ELFN2: variants seen among roughly 807,000 people sequenced by gnomAD.
ELFN2 encodes the protein protein phosphatase 1 regulatory subunit 29.
A neutral mutation model predicts 45.5 loss-of-function variants in ELFN2; 17 were observed. The observed-to-expected ratio is 0.37, with a 90% CI of 0.26 to 0.56. The LOEUF (loss-of-function observed/expected upper bound fraction) is 0.56. Ranked by LOEUF, ELFN2 falls within the 20% of genes least tolerant of loss-of-function variation. ELFN2 has a pLI of 0.77. For missense variants in ELFN2, 922 were observed against 1,183.2 expected, an observed-to-expected ratio of 0.78 and a Z score of 3.24; for synonymous variants, 550 against 551.5, an observed-to-expected ratio of 1.00 and a Z score of 0.04.
chr22:37,376,378 C>A (rs1931587310), intron 2 of ELFN2, among the ~76,000 whole-genome samples: 1 of 149,842 alleles, frequency 6.7e-6, no homozygotes, highest in African/African-American at 2.5e-5. Flanking sequence ...AGCCAGACCT[C>A]CATGGCATGC....
intron 1 of ELFN2, chr22:37,354,612 G>C (rs944367342): frequency 1.3e-5 from 2 of 152,048 alleles, no homozygotes; most frequent in African/African-American, 4.8e-5. Context: ...CTGGGGGTAG[G>C]GTTGCCAGAG....
chr22:37,349,127 C>T (rs79455660), intron 1 of ELFN2, among the ~76,000 whole-genome samples: 2,384 of 151,358 alleles, frequency 0.016, 79 homozygotes, highest in African/African-American at 0.055. Context: ...GTGCCCGCTC[C>T]CCACGGCAAT....
At chr22:37,412,417 T>C (rs914672288) in intron 2 of ELFN2, among the ~76,000 whole-genome samples, 5 of 151,572 alleles carry the variant, frequency 3.3e-5, no homozygotes, top group African/African-American at 1.2e-4. Context: ...GGGCACTCAC[T>C]CCCCTTCCCA....
chr22:37,393,582 C>CG (rs1682797517), intron 2 of ELFN2, among the ~76,000 whole-genome samples: 1 of 152,218 alleles, frequency 6.6e-6, no homozygotes, highest in Non-Finnish European at 1.5e-5. Flanking sequence ...GCCTGGACCA[C>CG]GCCCCAGGCC....
intron 1 of ELFN2, among the ~76,000 whole-genome samples, chr22:37,347,871 T>C (rs529826806): frequency 1.3e-5 from 2 of 152,288 alleles, no homozygotes; most frequent in South Asian, 4.1e-4. Context: ...ACCCCTCTGA[T>C]ATTTGAACCC....
At chr22:37,349,263 C>T (rs1439105261) in intron 1 of ELFN2, among the ~76,000 whole-genome samples, 1 of 151,228 alleles carries the variant, frequency 6.6e-6, no homozygotes, top group Non-Finnish European at 1.5e-5. Flanking sequence ...GAACCAGAGG[C>T]CAATGGGATG....
rs752996159 is a variant in ELFN2 at position 37,374,677 on chromosome 22, C to T, written c.858G>A (p.Pro286=). ...NPDEILSVEP[P]ASSTTDASAG... Reference sequence around the variant, plus strand: ...CCGACGCATCCGTGGTGGACGAGGCCGGCGGCTCCACCGAAAGGATCTCGT... The same window carrying T: ...CCGACGCATCCGTGGTGGACGAGGCTGGCGGCTCCACCGAAAGGATCTCGT... The change falls in exon 3 of 3, where the codon CCG becomes CCA. Residue 286 remains proline, a synonymous_variant. Coordinates refer to ENST00000402918, the MANE Select transcript of ELFN2 (RefSeq NM_052906.5). 3 of 1,611,686 alleles carry T rather than the reference C, an allele frequency of 1.9e-6. No individual in the cohort carries two copies. The highest frequency in any genetic ancestry group is 1.1e-5 in the South Asian group (1 of 91,034).
chr22:37,373,759 G>A lies in ELFN2; in HGVS notation c.1776C>T (p.Gly592=). The A allele has an allele frequency of 1.3e-6, 2 of 1,581,678 alleles. No homozygotes were observed. The highest frequency in any genetic ancestry group is 8.5e-7 in the Non-Finnish European group (1 of 1,169,982). The change falls in exon 3 of 3, where the codon GGC becomes GGT. Residue 592 remains glycine, a synonymous_variant. Transcript: ENST00000402918. Reference sequence around the variant, plus strand: ...AGCTGGGCCGCTCCAGGGCCCCGGGGCCAGTGGCTGAGGAGGCGGCAGCAG... The same window carrying A: ...AGCTGGGCCGCTCCAGGGCCCCGGGACCAGTGGCTGAGGAGGCGGCAGCAG... ...PAAAAASSAT[G]PGALERPSFL...
rs540718122 is a variant in ELFN2 at position 37,378,784 on chromosome 22, C to A, written c.-462-2788G>T. Among the ~76,000 whole-genome samples, 5 of 152,358 alleles carry A rather than the reference C, an allele frequency of 3.3e-5. No individual in the cohort carries two copies. In the East Asian group the frequency reaches 9.6e-4, roughly 29 times the overall value. ...CCATCCCGGGCTGCCTGCCTGCCAC[C>A]CGTGGAGACCTGACGCGGCCAGGGA... On this transcript the variant is annotated intron_variant, in intron 2 of 2. Coordinates refer to ENST00000402918, the MANE Select transcript of ELFN2 (RefSeq NM_052906.5).
At position 37,343,728 on chromosome 22, in the gene ELFN2, G is replaced by T. The variant is rs553616664; in HGVS notation, n.149-1025C>A. On this transcript the variant is annotated intron_variant and non_coding_transcript_variant, in intron 1 of 2. Transcript: ENST00000452946. The stretch of plus-strand genomic sequence containing the variant: ...CCAGACCCACCCCCCCCGGACCCCA[G>T]CCTCCCCAACTCATCTCCAGTGTTC... 6.6e-4 allele frequency among the ~76,000 whole-genome samples: 16 copies of T among 24,276 alleles called. 1 individual carries two copies. In the South Asian group the frequency reaches 0.022, roughly 33 times the overall value. 15.9% of individuals were successfully genotyped at this position (24,276 alleles called of 152,430 possible).
intron 2 of ELFN2, among the ~76,000 whole-genome samples, chr22:37,378,664 TG>T (rs1233862077): frequency 6.6e-6 from 1 of 152,240 alleles, no homozygotes; most frequent in Non-Finnish European, 1.5e-5. Context: ...CAGGATGGCT[TG>T]GGCTGGGCCC....
In ELFN2 at chr22:37,375,615, C is replaced by A. The variant is rs1931557368; in HGVS notation, c.-81G>T. Reference sequence around the variant, plus strand: ...AGGCTGGGGCTGGCAGTACAGTCCTCCCTGGGGCCGCCACCATCTTGGGGG... The same window carrying A: ...AGGCTGGGGCTGGCAGTACAGTCCTACCTGGGGCCGCCACCATCTTGGGGG... On this transcript the variant is annotated 5_prime_UTR_variant, in exon 3 of 3. Transcript: ENST00000402918. The A allele has an allele frequency of 4.2e-6, 6 of 1,440,252 alleles. No homozygotes were observed. The Admixed American group carries it at 8.4e-5, about 20-fold the overall frequency. The allele number at this position is 1,440,252 out of a possible 1,614,324, so 89.2% of individuals were successfully genotyped here.
At chr22:37,359,651 G>A (rs11703658) in intron 1 of ELFN2, among the ~76,000 whole-genome samples, 54,825 of 152,124 alleles carry the variant, frequency 0.36, 10,539 homozygotes, top group Admixed American at 0.56. Flanking sequence ...TCACAGAGGT[G>A]GAAATTGAGG....
rs911271775 is a variant in ELFN2, at chr22:37,372,927, TGTGCGTGC to T, written c.*137_*144del. The T allele has an allele frequency of 2.4e-4, 194 of 799,266 alleles. No individual in the cohort carries two copies. The African/African-American group carries it at 2.9e-3, about 12-fold the overall frequency. 49.5% of individuals were successfully genotyped at this position (799,266 alleles called of 1,614,324 possible). A position where few individuals can be genotyped will look rare whatever the true frequency, so the allele number is the denominator to read the frequency against. On this transcript the variant is annotated 3_prime_UTR_variant, in exon 3 of 3. Transcript: ENST00000402918. The surrounding 1 kb of genome is among the most constrained non-coding windows in gnomAD (Gnocchi z 4.4). ...CAGTCGGGTGGTGGTCAGGTGTGTG[TGTGCGTGC>T]GTGCGTGCGGGTCTGCATGTGCGTC...
At chr22:37,355,548 C>T (rs1383929429) in intron 1 of ELFN2, among the ~76,000 whole-genome samples, 2 of 152,236 alleles carry the variant, frequency 1.3e-5, no homozygotes, top group Admixed American at 1.3e-4. Context: ...CTCACCTCTG[C>T]AGCGGGGCCA....
chr22:37,373,020 C>G lies in ELFN2; in HGVS notation c.*52G>C. ...GCCCTGGCCGCCTGGACCCTTCCCC[C>G]AAAAGGCCCCCAGCCCTCTGGCTCC... is the stretch of plus-strand genomic sequence containing the variant. On this transcript the variant is annotated 3_prime_UTR_variant, in exon 3 of 3. Coordinates refer to ENST00000402918, the MANE Select transcript of ELFN2 (RefSeq NM_052906.5). 6 of 1,529,234 alleles carry G rather than the reference C, an allele frequency of 3.9e-6. No individual in the cohort carries two copies. The highest frequency in any genetic ancestry group is 1.8e-4 in the Middle Eastern group (1 of 5,608). 94.7% of individuals were successfully genotyped at this position (1,529,234 alleles called of 1,614,324 possible).
chr22:37,390,377 C>T lies in ELFN2; in HGVS notation c.-462-14381G>A, dbSNP rs550859830. Reference sequence around the variant, plus strand: ...TCATGCTGTACACACGGCCTCCCTGCCAAGCCAGAGGGAAGCAAGGAGTGA... The same window carrying T: ...TCATGCTGTACACACGGCCTCCCTGTCAAGCCAGAGGGAAGCAAGGAGTGA... On this transcript the variant is annotated intron_variant, in intron 2 of 2. Transcript: ENST00000402918. Among the ~76,000 whole-genome samples, 3 of 152,346 alleles carry T rather than the reference C, an allele frequency of 2.0e-5. No homozygotes were observed. In the South Asian group the frequency reaches 6.2e-4, roughly 32 times the overall value.
intron 1 of ELFN2, among the ~76,000 whole-genome samples, chr22:37,359,051 C>T (rs1931017199): frequency 6.6e-6 from 1 of 151,942 alleles, no homozygotes; most frequent in Admixed American, 6.6e-5. Flanking sequence ...TATTGGAAGC[C>T]CTGGGGCTTG....
At chr22:37,425,830 C>T (rs142127110) in intron 1 of ELFN2, among the ~76,000 whole-genome samples, 253 of 151,354 alleles carry the variant, frequency 1.7e-3, no homozygotes, top group African/African-American at 4.1e-3. Flanking sequence ...CAGGTGTCCA[C>T]GGGCCACGAG....
Sources: allele counts gnomAD v4.1 joint callset (sites outside exome capture counted in the v4.1 genomes callset), GRCh38; gene constraint gnomAD v4.1.1; non-coding constraint Gnocchi (gnomAD v3.1); transcripts MANE v1.5; gene names NCBI Gene and HGNC (gene_info 2026-07-23, HGNC 2026-07-21).